Variants in RAI14 observed in about 807,000 individuals in gnomAD.
RAI14 encodes the protein ankycorbin.
A neutral mutation model predicts 115.4 loss-of-function variants in RAI14; 45 were observed. That is an observed-to-expected ratio of 0.39 (90% CI 0.31 to 0.50). The LOEUF is 0.50. Among genes scored for constraint, RAI14 ranks in the 20% least tolerant of loss-of-function variants. The pLI is 0.85. For missense variants in RAI14, 939 were observed against 1,131.2 expected (o/e 0.83, Z 2.44); for synonymous variants, 371 against 415.4 (o/e 0.89, Z 1.30).
At chr5:34,742,655 TTTTTG>T (rs1242723914) in intron 2 of RAI14, among the ~76,000 whole-genome samples, 1 of 151,952 alleles carries the variant, frequency 6.6e-6, no homozygotes. Flanking sequence ...TTTTTTGTTT[TTTTTG>T]TTTTGTTTTG....
intron 2 of RAI14, among the ~76,000 whole-genome samples, chr5:34,742,991 C>T (rs1338797943): frequency 6.6e-6 from 1 of 152,148 alleles, no homozygotes; most frequent in Non-Finnish European, 1.5e-5. Context: ...ACCCAAAGCA[C>T]CACCCGGTGA....
chr5:34,771,650 T>C (rs1262892331), intron 3 of RAI14, among the ~76,000 whole-genome samples: 1 of 152,206 alleles, frequency 6.6e-6, no homozygotes, highest in Non-Finnish European at 1.5e-5. Context: ...CCTTGTCCCA[T>C]GGTATTTATT....
In RAI14 at chr5:34,799,685, A is replaced by ATTTTTTTTTT. The variant is rs57115550; in HGVS notation, c.256+3671_256+3680dup. On this transcript the variant is annotated intron_variant, in intron 4 of 17. Coordinates refer to ENST00000265109, the MANE Select transcript of RAI14 (RefSeq NM_015577.3). ...GTTATAGAAGCAAGAATCTGTTAGC[A>ATTTTTTTTTT]TTTTTTTTTTTTTTTTTTTTTTGAC... 5.5e-4 allele frequency among the ~76,000 whole-genome samples: 57 copies of ATTTTTTTTTT among 103,394 alleles called. 2 individuals carry two copies. The highest frequency in any genetic ancestry group is 2.2e-3 in the African/African-American group (56 of 25,382). 67.8% of individuals were successfully genotyped at this position (103,394 alleles called of 152,430 possible).
chr5:34,812,017 T>C (rs945884157), intron 9 of RAI14, 72 bp downstream of exon 9: 7 of 1,354,114 alleles, frequency 5.2e-6, no homozygotes, highest in Non-Finnish European at 5.1e-6. Context: ...TAAAGGAATG[T>C]GTGCAATATG....
At chr5:34,779,503 C>G (rs1047825059) in intron 3 of RAI14, among the ~76,000 whole-genome samples, 5 of 152,164 alleles carry the variant, frequency 3.3e-5, no homozygotes, top group African/African-American at 1.2e-4. Flanking sequence ...TCTCCTTAAG[C>G]TGATAAGCAA....
At chr5:34,659,329 G>A (rs896299705) in intron 1 of RAI14, among the ~76,000 whole-genome samples, 3 of 152,100 alleles carry the variant, frequency 2.0e-5, no homozygotes, top group Non-Finnish European at 4.4e-5. Flanking sequence ...GTGCAGTATC[G>A]TGATCACTGC....
intron 2 of RAI14, among the ~76,000 whole-genome samples, chr5:34,731,600 C>T (rs1160636603): frequency 6.6e-6 from 1 of 152,176 alleles, no homozygotes; most frequent in African/African-American, 2.4e-5. Flanking sequence ...TTTTCTGTTT[C>T]CCAGTTCCTG....
chr5:34,772,910 A>C (rs1249718264), intron 3 of RAI14, among the ~76,000 whole-genome samples: 1 of 152,202 alleles, frequency 6.6e-6, no homozygotes, highest in East Asian at 1.9e-4. Flanking sequence ...GACATTCCAA[A>C]TATCAATAAG....
chr5:34,776,593 C>A (rs1273928822), intron 3 of RAI14, among the ~76,000 whole-genome samples: 1 of 151,660 alleles, frequency 6.6e-6, no homozygotes, highest in African/African-American at 2.4e-5. Flanking sequence ...TTCACTGGAG[C>A]CCAGGAGTTC....
chr5:34,753,775 G>A (rs983770929), intron 2 of RAI14, among the ~76,000 whole-genome samples: 17 of 152,220 alleles, frequency 1.1e-4, no homozygotes, highest in Middle Eastern at 3.4e-3. Flanking sequence ...TTAGCTGGGC[G>A]TGGTGGCATG....
At chr5:34,739,919 G>A (rs1370836741) in intron 2 of RAI14, among the ~76,000 whole-genome samples, 1 of 152,124 alleles carries the variant, frequency 6.6e-6, no homozygotes, top group Non-Finnish European at 1.5e-5. Flanking sequence ...AAATTAGCCA[G>A]GTGTGGTGGC....
Position 34,821,719 on chromosome 5 carries a change from T to C in RAI14, c.995-13T>C, listed in dbSNP as rs1340906145. ...AATTGTTTTATATTTTAAATGGCTT[T>C]CTCTTTCCCAAGGTGCTGATAGCTT... On this transcript the variant is annotated splice_polypyrimidine_tract_variant and intron_variant, in intron 13 of 17. Coordinates refer to ENST00000265109, the MANE Select transcript of RAI14 (RefSeq NM_015577.3). 2 of 1,440,892 alleles carry C rather than the reference T, an allele frequency of 1.4e-6. No homozygotes were observed. Among genetic ancestry groups the C allele is most frequent in the Non-Finnish European group, 2.0e-6 (2 of 1,025,138 alleles). 89.3% of individuals were successfully genotyped at this position (1,440,892 alleles called of 1,614,324 possible).
At chr5:34,675,531 A>T (rs972839500) in intron 1 of RAI14, among the ~76,000 whole-genome samples, 7 of 152,200 alleles carry the variant, frequency 4.6e-5, no homozygotes, top group Non-Finnish European at 8.8e-5. Context: ...GGCCGGAGGA[A>T]CGTTTGAGGC....
rs1752891102 is a variant in RAI14 at position 34,791,258 on chromosome 5, A to G, written c.168-4681A>G. ...TAATATTTCTTTATTGAGTAGTGGG[A>G]CCGTCTAGACTGTGTGCTGGCTCTT... On this transcript the variant is annotated intron_variant, in intron 3 of 17. Transcript: ENST00000265109. This position sits in a 1 kb window ranked among gnomAD's most constrained non-coding sequence, Gnocchi z 5.4. Among the ~76,000 whole-genome samples, 1 of 152,122 alleles carries G rather than the reference A, an allele frequency of 6.6e-6. No individual in the cohort carries two copies. The highest frequency in any genetic ancestry group is 2.4e-5 in the African/African-American group (1 of 41,428).
At position 34,832,461 on chromosome 5, in the gene RAI14, T is replaced by C. The variant is rs1758082675; in HGVS notation, c.*1696T>C. On this transcript the variant is annotated 3_prime_UTR_variant, in exon 18 of 18. Transcript: ENST00000265109. ...ACTTGAGACATTTTTGTAGGATGCC[T>C]GACGAGGTGTAGCCTTTTATCTTGT... The C allele has an allele frequency of 6.6e-6, 1 of 152,650 alleles. No individual in the cohort carries two copies. The highest frequency in any genetic ancestry group is 1.5e-5 in the Non-Finnish European group (1 of 68,036). 9.5% of individuals were successfully genotyped at this position (152,650 alleles called of 1,614,324 possible).
At position 34,821,747 on chromosome 5, in the gene RAI14, T is replaced by G; in HGVS notation, c.1010T>G (p.Leu337Trp). 6.2e-7 allele frequency: 1 copy of G among 1,605,476 alleles called. No homozygotes were observed. Reference protein sequence around the residue: ...SDSTTGADSLLDISSEADQQD... With the variant: ...SDSTTGADSLWDISSEADQQD... ...CTTTCCCAAGGTGCTGATAGCTTAT[T>G]GGATATAAGTTCTGAAGCTGACCAA... Residue 337 changes from leucine (L) to tryptophan (W), a missense_variant, in exon 14 of 18, where the codon TTG becomes TGG. Transcript: ENST00000265109.
At chr5:34,762,939 G>A (rs1419392428) in intron 3 of RAI14, among the ~76,000 whole-genome samples, 2 of 79,182 alleles carry the variant, frequency 2.5e-5, no homozygotes, top group African/African-American at 5.0e-5. Context: ...ATGTGTGTGT[G>A]TGTGTGTGTG....
chr5:34,720,401 ATTTTTTTT>A (rs35380327), intron 2 of RAI14, among the ~76,000 whole-genome samples: 4 of 80,230 alleles, frequency 5.0e-5, no homozygotes, highest in African/African-American at 1.6e-4. Flanking sequence ...CCTGTCTCAG[ATTTTTTTT>A]TTTTTTTTTT....
At chr5:34,763,586 G>C (rs925158904) in intron 3 of RAI14, among the ~76,000 whole-genome samples, 1 of 152,192 alleles carries the variant, frequency 6.6e-6, no homozygotes, top group African/African-American at 2.4e-5. Flanking sequence ...TATGCTCCTG[G>C]CCTCAAGATG....
Sources: allele counts gnomAD v4.1 joint callset (sites outside exome capture counted in the v4.1 genomes callset), GRCh38; gene constraint gnomAD v4.1.1; non-coding constraint Gnocchi (gnomAD v3.1); transcripts MANE v1.5; gene names NCBI Gene and HGNC (gene_info 2026-07-23, HGNC 2026-07-21).